COL18A1: variants seen among roughly 807,000 people sequenced by gnomAD.
The protein encoded by COL18A1 is collagen type XVIII alpha 1 chain, also known as collagen alpha-1(XVIII) chain.
In COL18A1, 133 loss-of-function variants were observed where a neutral mutation model predicts 168.0. The ratio of observed to expected loss-of-function variants is 0.79; its 90% CI spans 0.69 to 0.91. COL18A1 has a LOEUF of 0.91. Ranked by LOEUF, COL18A1 falls within the 40% of genes least tolerant of loss-of-function variation. The pLI, the probability that COL18A1 is intolerant of heterozygous loss-of-function variation, is 0.00. For missense variants in COL18A1, 2,126 were observed against 1,925.4 expected (o/e 1.10, Z -1.95); for synonymous variants, 949 against 809.0 (o/e 1.17, Z -2.94).
rs201753320 is a variant in COL18A1 at position 45,504,020 on chromosome 21, C to G, written c.2693C>G (p.Pro898Arg). ...VGPPGPPGQFPFDFLQLEAEM... is the reference protein window; with the variant it reads ...VGPPGPPGQFRFDFLQLEAEM... ...TGTCTCTCTCTTGCAGGGCAGTTTCCGTTTGACTTTCTTCAGTTGGAGGCT... is the reference window on the plus strand; with the variant it reads ...TGTCTCTCTCTTGCAGGGCAGTTTCGGTTTGACTTTCTTCAGTTGGAGGCT... Residue 898 changes from proline to arginine, a missense_variant, in exon 33 of 42, where the codon CCG (proline) becomes CGG (arginine). Physicochemically the swap from Pro to Arg is moderately radical, Grantham distance 103. Coordinates refer to ENST00000651438, the MANE Select transcript of COL18A1 (RefSeq NM_001379500.1). The G allele has an allele frequency of 1.2e-5, 20 of 1,613,514 alleles. 1 individual carries two copies. In the South Asian group the frequency reaches 2.2e-4, roughly 18 times the overall value.
At chr21:45,487,199 G>C (rs2036144860) in intron 16 of COL18A1, among the ~76,000 whole-genome samples, 2 of 152,296 alleles carry the variant, frequency 1.3e-5, no homozygotes, top group African/African-American at 4.8e-5. Flanking sequence ...GGGGATCTTG[G>C]CCCAGCCATG....
chr21:45,488,344 CT>C, intron 17 of COL18A1, 73 bp from the exon 18 acceptor site: 1 of 1,604,988 alleles, frequency 6.2e-7, no homozygotes, highest in Non-Finnish European at 8.5e-7. Flanking sequence ...TACTAGCGGG[CT>C]TTTCTTGCGG....
intron 2 of COL18A1, 73 bp downstream of exon 2, chr21:45,405,546 C>T: frequency 2.1e-6 from 2 of 960,736 alleles, no homozygotes; most frequent in Non-Finnish European, 1.3e-6. Flanking sequence ...GGGTCCCCGC[C>T]CGGCTCCCTC....
rs202049650 is a variant in COL18A1 at position 45,512,229 on chromosome 21, G to A, written c.3851G>A (p.Arg1284His). 253 of 1,612,432 alleles carry A rather than the reference G, an allele frequency of 1.6e-4. No individual in the cohort carries two copies. In the African/African-American group the frequency reaches 1.9e-3, roughly 12 times the overall value. The change falls in exon 42 of 42, where the codon CGC becomes CAC. Residue 1284 changes from arginine to histidine, a missense_variant. Arg to His is a conservative substitution (Grantham distance 29). Transcript: ENST00000651438. ...SVWHGSDPNGRRLTESYCETW... is the reference protein window; with the variant it reads ...SVWHGSDPNGHRLTESYCETW... ...TGGCATGGCTCGGACCCCAACGGGCGCAGGCTGACCGAGAGCTACTGTGAG... is the reference window on the plus strand; with the variant it reads ...TGGCATGGCTCGGACCCCAACGGGCACAGGCTGACCGAGAGCTACTGTGAG...
intron 15 of COL18A1, among the ~76,000 whole-genome samples, chr21:45,486,286 AG>A (rs2036108307): frequency 6.8e-6 from 1 of 146,760 alleles, no homozygotes; most frequent in African/African-American, 2.6e-5. Context: ...GGCTGGTCCC[AG>A]GGTCCTGAGC....
intron 15 of COL18A1, among the ~76,000 whole-genome samples, chr21:45,483,413 G>A (rs1207504990): frequency 6.6e-6 from 1 of 152,154 alleles, no homozygotes; most frequent in African/African-American, 2.4e-5. Context: ...CTTCCTTCGG[G>A]CAGCCTGAGG....
chr21:45,472,729 C>G (rs1243523970), intron 3 of COL18A1, among the ~76,000 whole-genome samples: 1 of 152,212 alleles, frequency 6.6e-6, no homozygotes, highest in African/African-American at 2.4e-5. Flanking sequence ...CGCTGGTGCG[C>G]TCTGTGAGGC....
chr21:45,453,161 G>A (rs1209649621), intron 2 of COL18A1, among the ~76,000 whole-genome samples: 5 of 151,986 alleles, frequency 3.3e-5, no homozygotes, highest in Admixed American at 3.3e-4. Context: ...ACATGTGTGA[G>A]CATGTATGTG....
rs772808254 is a variant in COL18A1 at position 45,505,856 on chromosome 21, C to G, written c.3106C>G (p.Arg1036Gly). Residue 1036 changes from arginine (R) to glycine (G), a missense_variant, in exon 37 of 42, where the codon CGC (arginine) becomes GGC (glycine). By Grantham distance (125) the Arg-to-Gly change is moderately radical (BLOSUM62 -2). Transcript: ENST00000651438. ...ASSGVRLWAT[R>G]QAMLGQVHEV... ...CCAGCAGGTGAGGCTCTGGGCTACA[C>G]GCCAGGCCATGCTGGGCCAGGTGCA... is the stretch of plus-strand genomic sequence containing the variant. The G allele has an allele frequency of 3.1e-6, 5 of 1,608,992 alleles. No individual in the cohort carries two copies. Among genetic ancestry groups the G allele is most frequent in the Non-Finnish European group, 4.2e-6 (5 of 1,178,894 alleles).
Position 45,405,429 on chromosome 21 carries a change from C to G in COL18A1, c.62C>G (p.Pro21Arg), listed in dbSNP as rs2123483755. Reference protein sequence around the residue: ...RRRRLLDVLAPLVLLLGVRAA... With the variant: ...RRRRLLDVLARLVLLLGVRAA... ...CGGCGCCTCCTGGACGTGCTCGCGC[C>G]CCTGGTCCTGCTGCTCGGGGTCCGC... The change falls in exon 2 of 42, where the codon CCC becomes CGC. Residue 21 changes from proline (P) to arginine (R), a missense_variant. Transcript: ENST00000651438. The G allele has an allele frequency of 7.3e-7, 1 of 1,373,246 alleles. No individual in the cohort carries two copies. Among genetic ancestry groups the G allele is most frequent in the Non-Finnish European group, 9.5e-7 (1 of 1,055,520 alleles). 85.1% of individuals were successfully genotyped at this position (1,373,246 alleles called of 1,614,324 possible).
chr21:45,455,555 C>T (rs2034769423), intron 2 of COL18A1: 1 of 1,613,590 alleles, frequency 6.2e-7, no homozygotes, highest in Non-Finnish European at 8.5e-7. Context: ...CTGTGGCTGC[C>T]ACATCCTGCT....
At chr21:45,444,606 G>A (rs2034465740) in intron 2 of COL18A1, among the ~76,000 whole-genome samples, 1 of 152,140 alleles carries the variant, frequency 6.6e-6, no homozygotes, top group South Asian at 2.1e-4. Flanking sequence ...GCCAGCACGA[G>A]AGCAGCTCTG....
At chr21:45,461,003 A>G (rs530276307) in intron 2 of COL18A1, among the ~76,000 whole-genome samples, 1 of 152,146 alleles carries the variant, frequency 6.6e-6, no homozygotes, top group African/African-American at 2.4e-5. Flanking sequence ...GGGTTTTTGT[A>G]TATATCTAAG....
intron 2 of COL18A1, among the ~76,000 whole-genome samples, chr21:45,429,966 C>T (rs780845036): frequency 6.6e-6 from 1 of 151,696 alleles, no homozygotes; most frequent in Non-Finnish European, 1.5e-5. Context: ...CCCTAGCGCC[C>T]TCTCGTCCTC....
Position 45,505,247 on chromosome 21 carries a change from G to GGC in COL18A1, c.2982_2983insGC (p.Pro995AlafsTer37). On this transcript the variant is annotated frameshift_variant, in exon 35 of 42. Transcript: ENST00000651438. LOFTEE classifies it high-confidence loss of function. Reference sequence around the variant, plus strand: ...CTCCCGGCCCCCCAGGCCCCCCAGGGCCCCCTTCATTTCCTGGCCCTCACA... The same window carrying GGC: ...CTCCCGGCCCCCCAGGCCCCCCAGGGGCCCCCCTTCATTTCCTGGCCCTCACA... 4 of 1,574,256 alleles carry GGC rather than the reference G, an allele frequency of 2.5e-6. No individual in the cohort carries two copies. Among genetic ancestry groups the GGC allele is most frequent in the African/African-American group, 3.0e-5 (2 of 66,436 alleles).
At chr21:45,500,765 GGTGT>G (rs369596042) in intron 32 of COL18A1, among the ~76,000 whole-genome samples, 11 of 3,432 alleles carry the variant, frequency 3.2e-3, no homozygotes, top group African/African-American at 4.0e-3. Flanking sequence ...GGTGTGGTTT[GGTGT>G]GTGTGTGTTG....
At chr21:45,469,418 A>G (rs1253454905) in intron 3 of COL18A1, among the ~76,000 whole-genome samples, 1 of 152,230 alleles carries the variant, frequency 6.6e-6, no homozygotes. Context: ...CCTGCAGGTC[A>G]GCACCTTTAA....
intron 2 of COL18A1, among the ~76,000 whole-genome samples, chr21:45,410,366 C>A (rs1467340933): frequency 1.3e-5 from 2 of 152,216 alleles, no homozygotes; most frequent in Non-Finnish European, 2.9e-5. Flanking sequence ...TTCCAGAAGG[C>A]CAGCAGGCTT....
In COL18A1 at chr21:45,471,931, C is replaced by G. The variant is rs1182152686; in HGVS notation, c.652-1964C>G. Among the ~76,000 whole-genome samples the G allele has an allele frequency of 6.6e-6, 1 of 152,228 alleles. No homozygotes were observed. The highest frequency in any genetic ancestry group is 1.5e-5 in the Non-Finnish European group (1 of 68,038). ...CCTGTGGCTTTTGCACTAGCGCCTC[C>G]TGCCCCACCCCCGGAGCCAGCGGCC... On this transcript the variant is annotated intron_variant, in intron 3 of 41. Transcript: ENST00000651438. This position sits in a 1 kb window ranked among gnomAD's most constrained non-coding sequence, Gnocchi z 4.4.
Sources: allele counts gnomAD v4.1 joint callset (sites outside exome capture counted in the v4.1 genomes callset), GRCh38; gene constraint gnomAD v4.1.1; non-coding constraint Gnocchi (gnomAD v3.1); transcripts MANE v1.5; gene names NCBI Gene and HGNC (gene_info 2026-07-23, HGNC 2026-07-21).